Variants in KLF12 observed in about 807,000 individuals in gnomAD.
KLF12 encodes Krueppel-like factor 12.
In KLF12, 9 loss-of-function variants were observed where a neutral mutation model predicts 37.8. That is an observed-to-expected ratio of 0.24 (90% CI 0.14 to 0.42). KLF12 has a LOEUF of 0.42. Ranked by LOEUF, KLF12 falls within the 10% of genes least tolerant of loss-of-function variation. The pLI is 1.00. For synonymous variants in KLF12, 208 were observed against 202.1 expected, an observed-to-expected ratio of 1.03 and a Z score of -0.25; for missense variants, 411 against 516.0, an observed-to-expected ratio of 0.80 and a Z score of 1.97.
chr13:73,828,351 C>T (rs1408250626), intron 4 of KLF12, among the ~76,000 whole-genome samples: 1 of 152,068 alleles, frequency 6.6e-6, no homozygotes, highest in African/African-American at 2.4e-5. Context: ...TTCCAAATTC[C>T]AAGACATCTC....
At chr13:73,785,615 T>G (rs909834761) in intron 5 of KLF12, among the ~76,000 whole-genome samples, 1 of 152,144 alleles carries the variant, frequency 6.6e-6, no homozygotes, top group Non-Finnish European at 1.5e-5. Context: ...GCCCATTTTT[T>G]TTTTTTTAGT....
chr13:73,810,982 C>CTTTTTTTTTTTT (rs376490803), intron 5 of KLF12, among the ~76,000 whole-genome samples: 9 of 44,818 alleles, frequency 2.0e-4, no homozygotes, highest in African/African-American at 5.9e-4. Context: ...ATTTTTCTTT[C>CTTTTTTTTTTTT]TTTTTTTTTT....
At chr13:73,859,508 G>C (rs976452155) in intron 3 of KLF12, among the ~76,000 whole-genome samples, 18 of 152,162 alleles carry the variant, frequency 1.2e-4, no homozygotes, top group Admixed American at 3.3e-4. Context: ...CAATTAGTAC[G>C]TGGAAATACC....
At chr13:73,879,593 A>G (rs1003866464) in intron 3 of KLF12, among the ~76,000 whole-genome samples, 3 of 152,268 alleles carry the variant, frequency 2.0e-5, no homozygotes, top group African/African-American at 7.2e-5. Flanking sequence ...AAGGGGAGGT[A>G]TATAAACACA....
chr13:73,808,025 A>G (rs1422445890), intron 5 of KLF12, among the ~76,000 whole-genome samples: 1 of 152,208 alleles, frequency 6.6e-6, no homozygotes, highest in Non-Finnish European at 1.5e-5. Context: ...ACAAAGCTAA[A>G]CTTCACCTAT....
chr13:73,753,203 T>C (rs552920073), intron 6 of KLF12, among the ~76,000 whole-genome samples: 200 of 152,218 alleles, frequency 1.3e-3, no homozygotes, highest in African/African-American at 4.3e-3. Flanking sequence ...CACCGACCTC[T>C]CTGAGCTGAG....
At chr13:74,277,363 A>T in the KLF12 span, among the ~76,000 whole-genome samples, 1 of 152,152 alleles carries the variant, frequency 6.6e-6, no homozygotes, top group Non-Finnish European at 1.5e-5. Context: ...TGACCTGCCC[A>T]ACAGGATGTG....
At chr13:74,002,543 T>C (rs1044311817) in intron 1 of KLF12, among the ~76,000 whole-genome samples, 5 of 152,054 alleles carry the variant, frequency 3.3e-5, no homozygotes, top group African/African-American at 1.2e-4. Flanking sequence ...ATTCGGCTAA[T>C]GTTTTGTAGA....
intron 3 of KLF12, among the ~76,000 whole-genome samples, chr13:73,895,288 C>T (rs923384163): frequency 7.2e-5 from 11 of 152,174 alleles, no homozygotes; most frequent in Admixed American, 5.9e-4. Flanking sequence ...GATCCTAGAA[C>T]GGCTCCCTTG....
At chr13:73,818,753 G>T (rs983038334) in intron 4 of KLF12, among the ~76,000 whole-genome samples, 1 of 152,258 alleles carries the variant, frequency 6.6e-6, no homozygotes, top group Non-Finnish European at 1.5e-5. Flanking sequence ...CACGCGCCAG[G>T]GCTGGAGAGG....
At position 73,690,387 on chromosome 13, in the gene KLF12, G is replaced by A. The variant is rs1175003234; in HGVS notation, c.*5103C>T. 2.0e-5 allele frequency: 3 copies of A among 152,188 alleles called. No homozygotes were observed. Among genetic ancestry groups the A allele is most frequent in the Admixed American group, 6.6e-5 (1 of 15,250 alleles). 9.4% of individuals were successfully genotyped at this position (152,188 alleles called of 1,614,324 possible). Reference sequence around the variant, plus strand: ...AAGCAGTCTCCCTGGAATAAAACAAGAATAAACACCTGTATGGTTGTTCAC... The same window carrying A: ...AAGCAGTCTCCCTGGAATAAAACAAAAATAAACACCTGTATGGTTGTTCAC... On this transcript the variant is annotated 3_prime_UTR_variant, in exon 8 of 8. Transcript: ENST00000377669.
intron 1 of KLF12, among the ~76,000 whole-genome samples, chr13:74,042,863 G>C (rs1301368186): frequency 6.6e-6 from 1 of 152,208 alleles, no homozygotes; most frequent in Non-Finnish European, 1.5e-5. Flanking sequence ...ACAGCACAGT[G>C]AATCTCTATG....
chr13:74,265,309 G>T, the KLF12 span, among the ~76,000 whole-genome samples: 5 of 152,070 alleles, frequency 3.3e-5, no homozygotes, highest in Admixed American at 3.3e-4. Context: ...CCATTTATTC[G>T]TGCTTTCCCT....
the KLF12 span, among the ~76,000 whole-genome samples, chr13:74,253,426 AG>A: frequency 1.1e-4 from 16 of 152,214 alleles, no homozygotes. Flanking sequence ...ACTATTTTGA[AG>A]TGGTAGCTAA....
intron 5 of KLF12, among the ~76,000 whole-genome samples, chr13:73,789,570 G>T (rs1015453276): frequency 3.9e-5 from 6 of 152,008 alleles, no homozygotes; most frequent in African/African-American, 1.4e-4. Flanking sequence ...TTCTTGCCAC[G>T]CAGGGACTAA....
chr13:74,217,144 A>G, the KLF12 span, among the ~76,000 whole-genome samples: 1 of 152,132 alleles, frequency 6.6e-6, no homozygotes, highest in East Asian at 1.9e-4. Context: ...TGGTTATCAG[A>G]ACATTAAATG....
chr13:74,062,332 A>G (rs918471255), intron 1 of KLF12, among the ~76,000 whole-genome samples: 1 of 152,168 alleles, frequency 6.6e-6, no homozygotes, highest in Non-Finnish European at 1.5e-5. Flanking sequence ...TGGTTGATGT[A>G]TCTGGACTTT....
chr13:74,070,205 G>C (rs1874149146), intron 1 of KLF12, among the ~76,000 whole-genome samples: 1 of 152,204 alleles, frequency 6.6e-6, no homozygotes, highest in Non-Finnish European at 1.5e-5. Context: ...AGCAGCATAG[G>C]AATGACATGA....
In KLF12 at chr13:73,892,964, C is replaced by G. The variant is rs9565060; in HGVS notation, c.124-46591G>C. Among the ~76,000 whole-genome samples the G allele has an allele frequency of 1.2e-3, 188 of 151,706 alleles. 2 individuals carry two copies. The highest frequency in any genetic ancestry group is 4.2e-3 in the African/African-American group (173 of 41,350). On this transcript the variant is annotated intron_variant, in intron 3 of 7. Coordinates refer to ENST00000377669, the MANE Select transcript of KLF12 (RefSeq NM_007249.5). ...AAAAGAAATAACATAAATCAGCACT[C>G]TTATGGAAATGTAAATGTGTTCAGA...
Sources: gnomAD v4.1 joint callset for allele counts (sites outside exome capture counted in the v4.1 genomes callset) on GRCh38, gnomAD v4.1.1 for gene constraint, MANE v1.5 for transcripts, NCBI Gene and HGNC (gene_info 2026-07-23, HGNC 2026-07-21) for gene names.